Variants in GPHN observed in about 807,000 individuals in gnomAD.
The protein encoded by GPHN is gephyrin.
In GPHN, 17 loss-of-function variants were observed where a neutral mutation model predicts 95.5. That is an observed-to-expected ratio of 0.18 (90% CI 0.12 to 0.27). The LOEUF is 0.27. Ranked by LOEUF, GPHN falls within the 10% of genes least tolerant of loss-of-function variation. GPHN has a pLI of 1.00. For synonymous variants in GPHN, 320 were observed against 322.5 expected (o/e 0.99, Z 0.08); for missense variants, 660 against 978.1 (o/e 0.67, Z 4.34).
chr14:67,533,594 G>C, the GPHN span: 1 of 152,148 alleles, frequency 6.6e-6, no homozygotes, highest in Non-Finnish European at 1.5e-5. Context: ...CGCCCCAGGG[G>C]ACTCGCGCCG....
chr14:66,965,150 C>T, intron 8 of GPHN, 41 bp from the exon 9 acceptor site: 2 of 1,569,434 alleles, frequency 1.3e-6, no homozygotes. Context: ...ATGTTATTGA[C>T]ATTTTCAGAA....
intron 2 of GPHN, among the ~76,000 whole-genome samples, chr14:66,747,004 T>A (rs372590083): frequency 3.3e-5 from 5 of 152,192 alleles, no homozygotes; most frequent in African/African-American, 1.2e-4. Context: ...TCTCCTACTC[T>A]TTCTCTGTCT....
intron 1 of GPHN, among the ~76,000 whole-genome samples, chr14:66,512,495 G>C (rs1265685096): frequency 1.3e-5 from 2 of 151,682 alleles, no homozygotes; most frequent in Admixed American, 6.6e-5. Flanking sequence ...CACTAATAGG[G>C]GCATGAATGA....
chr14:67,452,521 G>C, the GPHN span, among the ~76,000 whole-genome samples: 1 of 152,168 alleles, frequency 6.6e-6, no homozygotes, highest in Admixed American at 6.5e-5. Flanking sequence ...TTTATCAGCA[G>C]CATGAAAATG....
At chr14:67,187,909 A>G in the GPHN span, among the ~76,000 whole-genome samples, 1 of 152,180 alleles carries the variant, frequency 6.6e-6, no homozygotes, top group African/African-American at 2.4e-5. Flanking sequence ...CATAACACTG[A>G]AATAATCTGT....
At chr14:67,654,700 T>C in the GPHN span, among the ~76,000 whole-genome samples, 1 of 152,144 alleles carries the variant, frequency 6.6e-6, no homozygotes, top group African/African-American at 2.4e-5. Flanking sequence ...CCTTCTGCTA[T>C]TAAGAATACA....
the GPHN span, chr14:67,684,516 C>T: frequency 6.6e-6 from 1 of 151,932 alleles, no homozygotes; most frequent in Non-Finnish European, 1.5e-5. Flanking sequence ...TTTTAAATGT[C>T]TTCGCTTATT....
chr14:67,559,547 T>G, the GPHN span: 1 of 1,212,614 alleles, frequency 8.2e-7, no homozygotes, highest in African/African-American at 1.5e-5. Context: ...GTTTCCCACC[T>G]CCAGTCAGTC....
At chr14:67,032,215 A>G (rs1364509187) in intron 10 of GPHN, among the ~76,000 whole-genome samples, 1 of 152,124 alleles carries the variant, frequency 6.6e-6, no homozygotes, top group African/African-American at 2.4e-5. Flanking sequence ...CCAATATTCT[A>G]GCTTTTCAGA....
the GPHN span, chr14:67,332,688 G>A: frequency 7.1e-6 from 9 of 1,269,656 alleles, no homozygotes; most frequent in African/African-American, 1.1e-4. Flanking sequence ...AAGCTATGAA[G>A]GTCGCTCCTT....
chr14:67,190,433 G>A, the GPHN span, among the ~76,000 whole-genome samples: 3 of 151,942 alleles, frequency 2.0e-5, no homozygotes, highest in Admixed American at 2.0e-4. Flanking sequence ...CATTTGGCCA[G>A]GCTGGTCTCG....
At chr14:66,520,138 G>T (rs2058418057) in intron 1 of GPHN, among the ~76,000 whole-genome samples, 1 of 152,028 alleles carries the variant, frequency 6.6e-6, no homozygotes, top group Non-Finnish European at 1.5e-5. Flanking sequence ...GGACATCGAG[G>T]TTTCTGATTT....
intron 8 of GPHN, among the ~76,000 whole-genome samples, chr14:66,950,450 C>T (rs1369914261): frequency 6.6e-6 from 1 of 152,068 alleles, no homozygotes; most frequent in East Asian, 1.9e-4. Context: ...TATTAAAGGC[C>T]ATCAGAGCTA....
the GPHN span, among the ~76,000 whole-genome samples, chr14:67,493,656 C>T: frequency 2.0e-5 from 3 of 152,126 alleles, no homozygotes; most frequent in South Asian, 2.1e-4. Context: ...GAGCATCAGG[C>T]CCCAGCCTGG....
At chr14:66,534,666 A>G (rs1052249222) in intron 1 of GPHN, among the ~76,000 whole-genome samples, 1 of 152,144 alleles carries the variant, frequency 6.6e-6, no homozygotes, top group Non-Finnish European at 1.5e-5. Context: ...CCCACCAGCA[A>G]TGTAGGAGGG....
At chr14:66,556,591 T>C (rs1266296855) in intron 1 of GPHN, among the ~76,000 whole-genome samples, 1 of 152,158 alleles carries the variant, frequency 6.6e-6, no homozygotes. Flanking sequence ...TAAAATGAAA[T>C]GAAACTATTT....
intron 4 of GPHN, among the ~76,000 whole-genome samples, chr14:66,830,058 G>A (rs769897102): frequency 6.6e-6 from 1 of 152,124 alleles, no homozygotes; most frequent in Non-Finnish European, 1.5e-5. Context: ...TATTGTCTAT[G>A]GCTAAAACAG....
At chr14:67,610,566 T>C in the GPHN span, among the ~76,000 whole-genome samples, 1 of 152,192 alleles carries the variant, frequency 6.6e-6, no homozygotes, top group African/African-American at 2.4e-5. Context: ...TCAAGATTGA[T>C]AACTTCCTCA....
chr14:67,657,751 C>CT, the GPHN span, among the ~76,000 whole-genome samples: 1,721 of 115,078 alleles, frequency 0.015, 48 homozygotes, highest in African/African-American at 0.041. Flanking sequence ...TTCTTTCTTT[C>CT]TTTTTTTTTT....
Sources: gnomAD v4.1 joint callset for allele counts (sites outside exome capture counted in the v4.1 genomes callset) on GRCh38, gnomAD v4.1.1 for gene constraint, MANE v1.5 for transcripts, NCBI Gene and HGNC (gene_info 2026-07-23, HGNC 2026-07-21) for gene names.